Variants in HCN1 observed in about 807,000 individuals in gnomAD.
The protein encoded by HCN1 is potassium/sodium hyperpolarization-activated cyclic nucleotide-gated channel 1.
HCN1 carries 13 observed loss-of-function variants against 78.9 expected under a neutral mutation model. That is an observed-to-expected ratio of 0.16 (90% confidence interval 0.11 to 0.26). The LOEUF (loss-of-function observed/expected upper bound fraction) is 0.26. Among genes scored for constraint, HCN1 ranks in the 10% least tolerant of loss-of-function variants. The pLI is 1.00. For synonymous variants in HCN1, 552 were observed against 455.5 expected (o/e 1.21, Z -2.70); for missense variants, 810 against 1,154.3 (o/e 0.70, Z 4.32).
At chr5:45,266,949 T>A in intron 7 of HCN1, 140 bp downstream of exon 7, 1 of 728,994 alleles carries the variant, frequency 1.4e-6, no homozygotes, top group East Asian at 2.8e-5. Context: ...CCTCAAATGA[T>A]CCACCTGCCT....
Position 45,431,298 on chromosome 5 carries a change from T to A in HCN1, c.1011+30548A>T, listed in dbSNP as rs114498409. On this transcript the variant is annotated intron_variant, in intron 3 of 7. Transcript: ENST00000303230. ...CCCTCTTTTTAATGGGGTTGTTTTT[T>A]TGCTTGTAAATTTAATTTATTCATA... Among the ~76,000 whole-genome samples, 1,320 of 152,312 alleles carry A rather than the reference T, an allele frequency of 8.7e-3. 12 individuals are homozygous for A. Among genetic ancestry groups the A allele is most frequent in the African/African-American group, 0.03 (1,254 of 41,574 alleles).
chr5:45,291,288 C>T (rs1435461338), intron 6 of HCN1, among the ~76,000 whole-genome samples: 1 of 151,976 alleles, frequency 6.6e-6, no homozygotes, highest in African/African-American at 2.4e-5. Flanking sequence ...ATGAAGAGTT[C>T]TTGGTCTATC....
chr5:45,609,369 A>C lies in HCN1; in HGVS notation c.849+35816T>G. Among the ~76,000 whole-genome samples, 3 of 152,260 alleles carry C rather than the reference A, an allele frequency of 2.0e-5. No individual in the cohort carries two copies. In the South Asian group the frequency reaches 6.2e-4, roughly 32 times the overall value. On this transcript the variant is annotated intron_variant, in intron 2 of 7. Coordinates refer to ENST00000303230, the MANE Select transcript of HCN1 (RefSeq NM_021072.4). Reference sequence around the variant, plus strand: ...AACAATTACAGCTCTGTTGTAAAATAAAATATTTCAATAAAAACAAACAGC... The same window carrying C: ...AACAATTACAGCTCTGTTGTAAAATCAAATATTTCAATAAAAACAAACAGC...
chr5:45,431,172 T>A (rs1217611923), intron 3 of HCN1, among the ~76,000 whole-genome samples: 1 of 152,188 alleles, frequency 6.6e-6, no homozygotes, highest in Admixed American at 6.5e-5. Context: ...GTGGTTTTGA[T>A]TTGCATTTCT....
chr5:45,382,525 C>A (rs1016662790), intron 4 of HCN1, among the ~76,000 whole-genome samples: 4 of 152,022 alleles, frequency 2.6e-5, no homozygotes, highest in Non-Finnish European at 5.9e-5. Flanking sequence ...ACAGATATAC[C>A]TGCTTATTTG....
intron 5 of HCN1, among the ~76,000 whole-genome samples, chr5:45,310,477 A>T (rs556027765): frequency 6.6e-6 from 1 of 152,268 alleles, no homozygotes; most frequent in East Asian, 1.9e-4. Context: ...ACCATCTCAC[A>T]TCAGTCACAA....
chr5:45,458,138 C>T (rs1741064247), intron 3 of HCN1, among the ~76,000 whole-genome samples: 1 of 152,002 alleles, frequency 6.6e-6, no homozygotes, highest in Admixed American at 6.6e-5. Context: ...ATTATCAACA[C>T]TACAGTTACA....
chr5:45,655,169 TG>T (rs1745742213), intron 1 of HCN1, among the ~76,000 whole-genome samples: 1 of 152,142 alleles, frequency 6.6e-6, no homozygotes, highest in Admixed American at 6.6e-5. Flanking sequence ...TTCTGATTTC[TG>T]GATATAACAA....
chr5:45,312,004 C>T (rs1048506650), intron 5 of HCN1, among the ~76,000 whole-genome samples: 3 of 152,186 alleles, frequency 2.0e-5, no homozygotes, highest in Non-Finnish European at 4.4e-5. Context: ...GAAGAGTCCA[C>T]GTTGGAACCC....
chr5:45,529,332 T>C (rs1249440378), intron 2 of HCN1, among the ~76,000 whole-genome samples: 3 of 151,950 alleles, frequency 2.0e-5, no homozygotes, highest in African/African-American at 7.2e-5. Context: ...AAATAATAAA[T>C]AATGACGGCA....
At chr5:45,550,450 A>G (rs1382101828) in intron 2 of HCN1, among the ~76,000 whole-genome samples, 1 of 152,134 alleles carries the variant, frequency 6.6e-6, no homozygotes. Context: ...GAACAATGAG[A>G]ACACGTGGAC....
In HCN1 at chr5:45,395,759, C is replaced by A. The variant is rs143923030; in HGVS notation, c.1230+733G>T. On this transcript the variant is annotated intron_variant, in intron 4 of 7. Coordinates refer to ENST00000303230, the MANE Select transcript of HCN1 (RefSeq NM_021072.4). ...ATTAATTTAAAATATTCTTATTTAT[C>A]TGTCAGAAAGCTACTGATGTTTGGT... 1.6e-3 allele frequency among the ~76,000 whole-genome samples: 242 copies of A among 152,256 alleles called. 2 individuals carry two copies. The highest frequency in any genetic ancestry group is 5.6e-3 in the African/African-American group (234 of 41,578).
chr5:45,353,044 A>G, intron 5 of HCN1, 56 bp downstream of exon 5: 1 of 1,441,274 alleles, frequency 6.9e-7, no homozygotes, highest in East Asian at 2.3e-5. Context: ...TTCTCCATGA[A>G]GAGAGAAAAT....
intron 2 of HCN1, among the ~76,000 whole-genome samples, chr5:45,600,709 T>C (rs1272792615): frequency 6.6e-6 from 1 of 152,108 alleles, no homozygotes; most frequent in Non-Finnish European, 1.5e-5. Flanking sequence ...CAAACCCCTT[T>C]CTGTCATGAG....
At chr5:45,351,889 G>C (rs1746911666) in intron 5 of HCN1, among the ~76,000 whole-genome samples, 1 of 152,104 alleles carries the variant, frequency 6.6e-6, no homozygotes, top group Non-Finnish European at 1.5e-5. Context: ...AGGTACTGGA[G>C]AGGATGTGGA....
intron 3 of HCN1, among the ~76,000 whole-genome samples, chr5:45,419,354 T>C (rs906317745): frequency 3.9e-5 from 6 of 152,002 alleles, no homozygotes; most frequent in Non-Finnish European, 8.8e-5. Context: ...GTGTGAAGAA[T>C]GAGACAAAAA....
At chr5:45,407,968 T>G (rs913870138) in intron 3 of HCN1, among the ~76,000 whole-genome samples, 1 of 152,066 alleles carries the variant, frequency 6.6e-6, no homozygotes, top group African/African-American at 2.4e-5. Context: ...GTCTTAGTTT[T>G]TAACCAAAAG....
chr5:45,520,072 T>C (rs1742585334), intron 2 of HCN1, among the ~76,000 whole-genome samples: 1 of 152,038 alleles, frequency 6.6e-6, no homozygotes, highest in Admixed American at 6.6e-5. Context: ...GATATGGGCA[T>C]TAATCACTAT....
chr5:45,467,719 T>C (rs975482726), intron 2 of HCN1, among the ~76,000 whole-genome samples: 6 of 152,230 alleles, frequency 3.9e-5, no homozygotes, highest in African/African-American at 1.4e-4. Context: ...CTTCTTCAGT[T>C]TCAGCTTAAA....
Sources: allele counts gnomAD v4.1 joint callset (sites outside exome capture counted in the v4.1 genomes callset), GRCh38; gene constraint gnomAD v4.1.1; transcripts MANE v1.5; gene names NCBI Gene and HGNC (gene_info 2026-07-23, HGNC 2026-07-21).